Variants in ADGRL2 observed in about 807,000 individuals in gnomAD.
The protein encoded by ADGRL2 is adhesion G protein-coupled receptor L2.
A neutral mutation model predicts 157.4 loss-of-function variants in ADGRL2; 44 were observed. The ratio of observed to expected loss-of-function variants is 0.28; its 90% CI spans 0.22 to 0.36. ADGRL2 has a LOEUF of 0.36. Among genes scored for constraint, ADGRL2 ranks in the 10% least tolerant of loss-of-function variants. The pLI, the probability that ADGRL2 is intolerant of heterozygous loss-of-function variation, is 1.00. For synonymous variants in ADGRL2, 585 were observed against 624.7 expected, an observed-to-expected ratio of 0.94 and a Z score of 0.95; for missense variants, 1,510 against 1,768.9, an observed-to-expected ratio of 0.85 and a Z score of 2.63.
chr1:81,919,736 TGTAA>T (rs2094936869), intron 3 of ADGRL2, among the ~76,000 whole-genome samples: 1 of 152,204 alleles, frequency 6.6e-6, no homozygotes. Context: ...AAAGAATGTT[TGTAA>T]GTAACTTTTG....
intron 2 of ADGRL2, among the ~76,000 whole-genome samples, chr1:81,890,736 A>G (rs1421819159): frequency 6.6e-6 from 1 of 151,642 alleles, no homozygotes; most frequent in East Asian, 1.9e-4. Flanking sequence ...GATACACGGC[A>G]GTCTTTGAAA....
chr1:81,826,092 C>A (rs968420346), intron 1 of ADGRL2, among the ~76,000 whole-genome samples: 1 of 152,144 alleles, frequency 6.6e-6, no homozygotes, highest in Non-Finnish European at 1.5e-5. Context: ...ATGAATAATG[C>A]TCCAGAGGAT....
chr1:81,950,956 A>C (rs1004729688), intron 7 of ADGRL2, 62 bp from the exon 8 acceptor site: 4 of 1,019,752 alleles, frequency 3.9e-6, no homozygotes, highest in Non-Finnish European at 6.2e-6. Context: ...ATCATAGCTG[A>C]TTCCCGAATG....
At chr1:81,452,348 T>C (rs192083505) in intron 2 of ADGRL2, among the ~76,000 whole-genome samples, 1 of 152,248 alleles carries the variant, frequency 6.6e-6, no homozygotes, top group African/African-American at 2.4e-5. Flanking sequence ...CACCAATTTT[T>C]CCCCACAAAA....
chr1:81,722,647 A>G, intron 1 of ADGRL2: 1 of 1,381,890 alleles, frequency 7.2e-7, no homozygotes, highest in Non-Finnish European at 1.0e-6. Context: ...TGAAGATGCT[A>G]GTACAATGCT....
At chr1:81,421,699 C>CT (rs34389652) in intron 1 of ADGRL2, among the ~76,000 whole-genome samples, 21,601 of 148,012 alleles carry the variant, frequency 0.15, 1,827 homozygotes, top group East Asian at 0.42. Flanking sequence ...ACTAAATATT[C>CT]TTTTTTTTTT....
At chr1:81,353,986 T>G (rs6677125) in intron 1 of ADGRL2, among the ~76,000 whole-genome samples, 1 of 152,116 alleles carries the variant, frequency 6.6e-6, no homozygotes, top group East Asian at 1.9e-4. Context: ...TAGAATGACA[T>G]GTCTGCAGAG....
At chr1:81,746,992 G>GTA (rs1177173384) in intron 1 of ADGRL2, among the ~76,000 whole-genome samples, 2 of 146,030 alleles carry the variant, frequency 1.4e-5, no homozygotes, top group Admixed American at 6.8e-5. Flanking sequence ...GTGTATATAC[G>GTA]TATATACGTG....
At chr1:81,919,124 CT>C (rs1557911565) in intron 3 of ADGRL2, among the ~76,000 whole-genome samples, 1 of 151,982 alleles carries the variant, frequency 6.6e-6, no homozygotes, top group Non-Finnish European at 1.5e-5. Context: ...CTTTAGATAT[CT>C]TCTTTGTATT....
chr1:81,839,896 T>TATA (rs2092477843), intron 2 of ADGRL2, among the ~76,000 whole-genome samples: 1 of 123,552 alleles, frequency 8.1e-6, no homozygotes, highest in Non-Finnish European at 1.8e-5. Context: ...TTCCATCATA[T>TATA]ATATATATAT....
At chr1:81,565,614 A>G (rs1354447159) in intron 2 of ADGRL2, among the ~76,000 whole-genome samples, 1 of 152,074 alleles carries the variant, frequency 6.6e-6, no homozygotes, top group Non-Finnish European at 1.5e-5. Flanking sequence ...TCCCTCAGCC[A>G]TTTTCCTTCA....
At chr1:81,423,451 C>A (rs185314258) in intron 1 of ADGRL2, among the ~76,000 whole-genome samples, 1 of 152,082 alleles carries the variant, frequency 6.6e-6, no homozygotes, top group African/African-American at 2.4e-5. Context: ...CACATCGCGA[C>A]GGCCCAGAAT....
rs530281569 is a variant in ADGRL2 at position 81,418,360 on chromosome 1, G to T, written c.-301-26676G>T. 2.6e-5 allele frequency among the ~76,000 whole-genome samples: 4 copies of T among 152,304 alleles called. No individual in the cohort carries two copies. In the East Asian group the frequency reaches 5.8e-4, roughly 22 times the overall value. On this transcript the variant is annotated intron_variant, in intron 1 of 24. Transcript: ENST00000370721. ...TCCACTTTTCTGTGGTGGCATTTCT[G>T]CCATGTTTCCAATTAGAACTCCTAT...
intron 1 of ADGRL2, among the ~76,000 whole-genome samples, chr1:81,736,342 G>A (rs2084901752): frequency 6.6e-6 from 1 of 152,112 alleles, no homozygotes. Context: ...CAAGAAGTAA[G>A]TAGAAGAGGT....
At chr1:81,465,169 T>G (rs529608832) in intron 2 of ADGRL2, among the ~76,000 whole-genome samples, 1 of 152,218 alleles carries the variant, frequency 6.6e-6, no homozygotes, top group Admixed American at 6.5e-5. Context: ...CAATTTGATT[T>G]CCTATAGTTA....
chr1:81,607,762 A>G (rs549883090), intron 3 of ADGRL2, among the ~76,000 whole-genome samples: 54 of 152,320 alleles, frequency 3.5e-4, no homozygotes, highest in Non-Finnish European at 7.2e-4. Flanking sequence ...ACATGACTTG[A>G]CATTTAGTTA....
At chr1:81,859,601 T>G (rs2093325844) in intron 2 of ADGRL2, among the ~76,000 whole-genome samples, 1 of 151,958 alleles carries the variant, frequency 6.6e-6, no homozygotes, top group Non-Finnish European at 1.5e-5. Flanking sequence ...AGACACAGGG[T>G]CTTGCCATGT....
chr1:81,533,545 T>C (rs2079657112), intron 2 of ADGRL2, among the ~76,000 whole-genome samples: 1 of 152,212 alleles, frequency 6.6e-6, no homozygotes, highest in African/African-American at 2.4e-5. Context: ...TCCCCAAATA[T>C]TTAAAGTCTG....
At chr1:81,820,570 C>G (rs1175112486) in intron 1 of ADGRL2, among the ~76,000 whole-genome samples, 1 of 151,632 alleles carries the variant, frequency 6.6e-6, no homozygotes, top group Admixed American at 6.6e-5. Flanking sequence ...GAAGACTCTT[C>G]TTTTTTTCAA....
Sources: gnomAD v4.1 joint callset for allele counts (sites outside exome capture counted in the v4.1 genomes callset) on GRCh38, gnomAD v4.1.1 for gene constraint, MANE v1.5 for transcripts, NCBI Gene and HGNC (gene_info 2026-07-23, HGNC 2026-07-21) for gene names.